Variants in SEMA3A observed in about 807,000 individuals in gnomAD.
The protein encoded by SEMA3A is semaphorin 3A.
SEMA3A carries 29 observed loss-of-function variants against 97.9 expected under a neutral mutation model. That is an observed-to-expected ratio of 0.30 (90% CI 0.22 to 0.40). SEMA3A has a LOEUF of 0.40. Ranked by LOEUF, SEMA3A falls within the 10% of genes least tolerant of loss-of-function variation. The pLI is 1.00. For synonymous variants in SEMA3A, 321 were observed against 323.7 expected (o/e 0.99, Z 0.09); for missense variants, 763 against 951.3 (o/e 0.80, Z 2.60).
chr7:84,139,949 TC>T (rs1031580454), intron 1 of SEMA3A, among the ~76,000 whole-genome samples: 3 of 152,038 alleles, frequency 2.0e-5, no homozygotes, highest in Admixed American at 1.3e-4. Flanking sequence ...TATTTACTTT[TC>T]CCCCCAAGAG....
intron 1 of SEMA3A, among the ~76,000 whole-genome samples, chr7:84,148,619 ATATAT>A (rs1430024431): frequency 6.6e-6 from 1 of 152,154 alleles, no homozygotes; most frequent in East Asian, 1.9e-4. Flanking sequence ...CAATTCATTG[ATATAT>A]TATAACTTTT....
At chr7:84,440,308 T>G (rs900677858) in intron 1 of SEMA3A, among the ~76,000 whole-genome samples, 2 of 152,164 alleles carry the variant, frequency 1.3e-5, no homozygotes, top group African/African-American at 4.8e-5. Context: ...GCTACCAATC[T>G]TCCACCCCTC....
intron 1 of SEMA3A, among the ~76,000 whole-genome samples, chr7:84,408,428 C>G (rs1020810707): frequency 4.6e-5 from 7 of 151,192 alleles, no homozygotes; most frequent in African/African-American, 7.3e-5. Context: ...AATAGGAACA[C>G]TTTTACACTG....
At chr7:84,184,594 G>GGTA (rs1797820885) in intron 1 of SEMA3A, among the ~76,000 whole-genome samples, 3 of 152,042 alleles carry the variant, frequency 2.0e-5, no homozygotes, top group Admixed American at 2.0e-4. Flanking sequence ...AGGTAAAAAG[G>GGTA]TGGGGGTATG....
intron 1 of SEMA3A, among the ~76,000 whole-genome samples, chr7:84,390,543 A>G (rs1347251229): frequency 6.6e-6 from 1 of 151,892 alleles, no homozygotes; most frequent in Non-Finnish European, 1.5e-5. Flanking sequence ...GATTCAGTGT[A>G]TATGGTAATT....
chr7:84,127,466 T>C (rs1795833338), intron 3 of SEMA3A, among the ~76,000 whole-genome samples: 1 of 152,098 alleles, frequency 6.6e-6, no homozygotes, highest in Non-Finnish European at 1.5e-5. Flanking sequence ...TTAAGCTCAA[T>C]CTCTTACCCC....
chr7:84,146,221 C>T (rs985241950), intron 1 of SEMA3A, among the ~76,000 whole-genome samples: 8 of 152,050 alleles, frequency 5.3e-5, no homozygotes, highest in Non-Finnish European at 1.2e-4. Flanking sequence ...AGCACAATGC[C>T]ATATGGGTCA....
At chr7:84,331,519 T>G (rs2115950032) in intron 2 of SEMA3A, among the ~76,000 whole-genome samples, 1 of 152,236 alleles carries the variant, frequency 6.6e-6, no homozygotes, top group African/African-American at 2.4e-5. Flanking sequence ...TACTAGCAGT[T>G]TGTGGTTTTA....
At chr7:84,376,818 G>A (rs918150567) in intron 1 of SEMA3A, among the ~76,000 whole-genome samples, 1 of 151,808 alleles carries the variant, frequency 6.6e-6, no homozygotes, top group Admixed American at 6.6e-5. Context: ...TGTCAATTCA[G>A]ATTATTTGCA....
At chr7:84,104,460 T>G (rs1321952386) in intron 4 of SEMA3A, among the ~76,000 whole-genome samples, 1 of 152,130 alleles carries the variant, frequency 6.6e-6, no homozygotes, top group Non-Finnish European at 1.5e-5. Context: ...AGTAAAAAAC[T>G]GTACAATTGA....
intron 1 of SEMA3A, among the ~76,000 whole-genome samples, chr7:84,382,984 A>AT (rs1209397966): frequency 6.6e-6 from 1 of 152,100 alleles, no homozygotes; most frequent in African/African-American, 2.4e-5. Context: ...ATAATACTGG[A>AT]TTTTTTCCCT....
intron 3 of SEMA3A, among the ~76,000 whole-genome samples, chr7:84,286,569 T>G (rs960863474): frequency 3.9e-5 from 6 of 152,172 alleles, no homozygotes; most frequent in Non-Finnish European, 7.4e-5. Context: ...CTAATTATTT[T>G]TTGACAAAAA....
chr7:83,993,445 G>A (rs1790053961), intron 12 of SEMA3A, among the ~76,000 whole-genome samples: 1 of 151,622 alleles, frequency 6.6e-6, no homozygotes, highest in African/African-American at 2.4e-5. Flanking sequence ...ATTTTGCAGT[G>A]GCTGGTACCG....
chr7:84,098,701 G>T (rs960792578), intron 4 of SEMA3A, among the ~76,000 whole-genome samples: 10 of 152,034 alleles, frequency 6.6e-5, no homozygotes, highest in African/African-American at 2.4e-4. Context: ...TCAAAGTTTT[G>T]AGTGTTTAGA....
At position 84,181,282 on chromosome 7, in the gene SEMA3A, T is replaced by C. The variant is rs372769360; in HGVS notation, c.112+13193A>G. Reference sequence around the variant, plus strand: ...CTATTTCCTTTTCAAGGAGATTTGATTCAGGTTTACATGGTCAAACTTTAT... The same window carrying C: ...CTATTTCCTTTTCAAGGAGATTTGACTCAGGTTTACATGGTCAAACTTTAT... On this transcript the variant is annotated intron_variant, in intron 1 of 16. Transcript: ENST00000265362. 4.7e-5 allele frequency among the ~76,000 whole-genome samples: 7 copies of C among 150,020 alleles called. No homozygotes were observed. The East Asian group carries it at 9.8e-4, about 21-fold the overall frequency.
chr7:84,118,966 C>T (rs529448093), intron 3 of SEMA3A, among the ~76,000 whole-genome samples: 11 of 152,142 alleles, frequency 7.2e-5, no homozygotes, highest in Admixed American at 2.0e-4. Context: ...TAGACTAGCT[C>T]ATTGTGATAT....
chr7:84,409,615 CATAGATACAAA>C (rs1158339291), intron 1 of SEMA3A, among the ~76,000 whole-genome samples: 1 of 151,884 alleles, frequency 6.6e-6, no homozygotes, highest in Non-Finnish European at 1.5e-5. Flanking sequence ...TTTAACCATC[CATAGATACAAA>C]ATAGCTATTG....
chr7:84,421,005 T>C (rs889225819), intron 1 of SEMA3A, among the ~76,000 whole-genome samples: 11 of 152,090 alleles, frequency 7.2e-5, no homozygotes, highest in Non-Finnish European at 1.2e-4. Context: ...TCTGCTCTGA[T>C]CTTAGTTATT....
chr7:84,251,330 T>C (rs560483543), intron 3 of SEMA3A, among the ~76,000 whole-genome samples: 6 of 152,120 alleles, frequency 3.9e-5, no homozygotes, highest in Non-Finnish European at 7.4e-5. Context: ...GAATTTCCGA[T>C]TGAGGAATTC....
Sources: allele counts gnomAD v4.1 joint callset (sites outside exome capture counted in the v4.1 genomes callset), GRCh38; gene constraint gnomAD v4.1.1; transcripts MANE v1.5; gene names NCBI Gene and HGNC (gene_info 2026-07-23, HGNC 2026-07-21).